The following CHAF1B variants were observed in gnomAD, a reference collection of about 807,000 sequenced individuals.
CHAF1B encodes CAF-1 subunit B.
Under a neutral mutation model 60.7 loss-of-function variants are expected in CHAF1B, and 10 were observed. That is an observed-to-expected ratio of 0.16 (90% CI 0.10 to 0.28). CHAF1B has a LOEUF of 0.28. Ranked by LOEUF, CHAF1B falls within the 10% of genes least tolerant of loss-of-function variation. The pLI, the probability that CHAF1B is intolerant of heterozygous loss-of-function variation, is 1.00. For synonymous variants in CHAF1B, 261 were observed against 266.1 expected, an observed-to-expected ratio of 0.98 and a Z score of 0.19; for missense variants, 558 against 708.4, an observed-to-expected ratio of 0.79 and a Z score of 2.41.
intron 7 of CHAF1B, among the ~76,000 whole-genome samples, chr21:36,401,630 T>TATACATAATATATATTTTTATATC (rs1491483681): frequency 7.2e-6 from 1 of 139,536 alleles, no homozygotes; most frequent in East Asian, 2.0e-4. Context: ...ATTTTTATAT[T>TATACATAATATATATTTTTATATC]ATATATAATA....
At chr21:36,391,733 T>A in intron 4 of CHAF1B, 65 bp downstream of exon 4, 1 of 1,039,976 alleles carries the variant, frequency 9.6e-7, no homozygotes, top group Non-Finnish European at 1.5e-6. Flanking sequence ...GGAATATACC[T>A]TTTGACTTTT....
chr21:36,408,633 T>G, intron 8 of CHAF1B, 128 bp from the exon 9 acceptor site: 1 of 653,138 alleles, frequency 1.5e-6, no homozygotes, highest in African/African-American at 1.8e-5. Context: ...CACAACATTG[T>G]CCAGAGAATA....
intron 9 of CHAF1B, 49 bp from the exon 10 acceptor site, chr21:36,409,325 T>C: frequency 1.3e-6 from 2 of 1,482,198 alleles, no homozygotes; most frequent in Non-Finnish European, 9.4e-7. Context: ...TTATTTTTGC[T>C]TTTGCTTAGT....
In CHAF1B at chr21:36,391,673, C is replaced by T. The variant is rs756632312; in HGVS notation, c.377+5C>T. 5 of 1,556,532 alleles carry T rather than the reference C, an allele frequency of 3.2e-6. No homozygotes were observed. The highest frequency in any genetic ancestry group is 1.4e-5 in the African/African-American group (1 of 73,824). Reference sequence around the variant, plus strand: ...GACGGTTGTGAAGACTCTGCGGTAACTTGGGAGGGACCATGGCAGTGATCT... The same window carrying T: ...GACGGTTGTGAAGACTCTGCGGTAATTTGGGAGGGACCATGGCAGTGATCT... On this transcript the variant is annotated splice_donor_5th_base_variant and intron_variant, in intron 4 of 13. Coordinates refer to ENST00000314103, the MANE Select transcript of CHAF1B (RefSeq NM_005441.3).
intron 4 of CHAF1B, among the ~76,000 whole-genome samples, chr21:36,394,265 C>T (rs2086119476): frequency 6.6e-6 from 1 of 152,032 alleles, no homozygotes; most frequent in African/African-American, 2.4e-5. Flanking sequence ...TTAGTAGAGA[C>T]GTGGTTTCAC....
rs2086324216 is a variant in CHAF1B, at chr21:36,416,925, G to C, written c.*559G>C. The C allele has an allele frequency of 6.6e-6, 1 of 152,178 alleles. No individual in the cohort carries two copies. Among genetic ancestry groups the C allele is most frequent in the Non-Finnish European group, 1.5e-5 (1 of 68,028 alleles). 9.4% of individuals were successfully genotyped at this position (152,178 alleles called of 1,614,324 possible). On this transcript the variant is annotated 3_prime_UTR_variant, in exon 14 of 14. Transcript: ENST00000314103. The stretch of plus-strand genomic sequence containing the variant: ...GGTATCACCCATCATCTTCCCACCA[G>C]AAGTAACCCTCGTTAATGTTGTAGT...
In CHAF1B at chr21:36,391,685, C is replaced by G. The variant is rs367999820; in HGVS notation, c.377+17C>G. ...GACTCTGCGGTAACTTGGGAGGGAC[C>G]ATGGCAGTGATCTCTGTTTACGATG... On this transcript the variant is annotated intron_variant, in intron 4 of 13. Coordinates refer to ENST00000314103, the MANE Select transcript of CHAF1B (RefSeq NM_005441.3). The G allele has an allele frequency of 1.4e-6, 2 of 1,462,546 alleles. No homozygotes were observed. 90.6% of individuals were successfully genotyped at this position (1,462,546 alleles called of 1,614,324 possible). A position where few individuals can be genotyped will look rare whatever the true frequency, so the allele number is the denominator to read the frequency against.
chr21:36,403,261 C>A (rs2086206475), intron 8 of CHAF1B, among the ~76,000 whole-genome samples: 1 of 151,724 alleles, frequency 6.6e-6, no homozygotes, highest in Non-Finnish European at 1.5e-5. Flanking sequence ...AGTTCATGAC[C>A]AGCCTGGCCA....
intron 12 of CHAF1B, 110 bp downstream of exon 12, chr21:36,413,425 G>A (rs907136477): frequency 9.8e-7 from 1 of 1,023,874 alleles, no homozygotes; most frequent in African/African-American, 1.6e-5. Flanking sequence ...CTTCATGCCA[G>A]TAGGTTGCCA....
chr21:36,394,534 T>G lies in CHAF1B; in HGVS notation c.378-13T>G, dbSNP rs2086121768. The stretch of plus-strand genomic sequence containing the variant: ...GAGTAATTGCTTTTTTCCTCTTTGT[T>G]TTTGGATTCTAGGGGCCACTTAGAA... On this transcript the variant is annotated splice_polypyrimidine_tract_variant and intron_variant, in intron 4 of 13. Coordinates refer to ENST00000314103, the MANE Select transcript of CHAF1B (RefSeq NM_005441.3). 6.3e-7 allele frequency: 1 copy of G among 1,596,210 alleles called. No homozygotes were observed. Among genetic ancestry groups the G allele is most frequent in the East Asian group, 2.2e-5 (1 of 44,694 alleles).
chr21:36,385,468 C>T lies in CHAF1B; in HGVS notation c.-78+17C>T, dbSNP rs1488401403. 1.3e-5 allele frequency: 2 copies of T among 152,002 alleles called. No homozygotes were observed. Among genetic ancestry groups the T allele is most frequent in the African/African-American group, 4.8e-5 (2 of 41,414 alleles). 9.4% of individuals were successfully genotyped at this position (152,002 alleles called of 1,614,324 possible). A position where few individuals can be genotyped will look rare whatever the true frequency, so the allele number is the denominator to read the frequency against. On this transcript the variant is annotated intron_variant, in intron 1 of 13. Transcript: ENST00000314103. Reference sequence around the variant, plus strand: ...TCCCTCCAGGTACGGCTTCCCTGGCCCGGGCAGCTCCGCGGCTCTTTTGGT... The same window carrying T: ...TCCCTCCAGGTACGGCTTCCCTGGCTCGGGCAGCTCCGCGGCTCTTTTGGT...
At chr21:36,404,692 C>T (rs2086222212) in intron 8 of CHAF1B, among the ~76,000 whole-genome samples, 1 of 148,810 alleles carries the variant, frequency 6.7e-6, no homozygotes, top group African/African-American at 2.5e-5. Context: ...CCTTGGCCTC[C>T]CAAAGTGCTG....
At position 36,387,700 on chromosome 21, in the gene CHAF1B, A is replaced by C; in HGVS notation, c.229A>C (p.Thr77Pro). 6.2e-7 allele frequency: 1 copy of C among 1,614,070 alleles called. No homozygotes were observed. The highest frequency in any genetic ancestry group is 1.1e-5 in the South Asian group (1 of 91,074). Residue 77 changes from threonine to proline, a missense_variant, in exon 3 of 14, where the codon ACT becomes CCT. Physicochemically the swap from Thr to Pro is conservative, Grantham distance 38 (BLOSUM62 -1). Around this residue, in one of 2 missense-constraint regions of CHAF1B, gnomAD observed 325 missense variants for 493.5 expected, o/e 0.66. Transcript: ENST00000314103. ...KAVNVVRFSP[T>P]GEILASGGDD... ...CGTCAATGTTGTGCGTTTTTCTCCA[A>C]CTGGGGAAATTTTAGCATCGGGAGG... is the stretch of plus-strand genomic sequence containing the variant.
intron 7 of CHAF1B, among the ~76,000 whole-genome samples, chr21:36,402,299 G>A (rs2086197517): frequency 6.6e-6 from 1 of 152,058 alleles, no homozygotes; most frequent in South Asian, 2.1e-4. Context: ...GTGACAGAGC[G>A]AGACTCTGTA....
chr21:36,403,589 C>T (rs1380365584), intron 8 of CHAF1B, among the ~76,000 whole-genome samples: 1 of 150,336 alleles, frequency 6.7e-6, no homozygotes, highest in Non-Finnish European at 1.5e-5. Context: ...TGTTTTTATT[C>T]TCCTCAATAA....
At chr21:36,407,393 A>G (rs769332540) in intron 8 of CHAF1B, among the ~76,000 whole-genome samples, 8 of 152,192 alleles carry the variant, frequency 5.3e-5, no homozygotes, top group Non-Finnish European at 1.2e-4. Flanking sequence ...ATACTCATTA[A>G]CAGAGGCTGG....
chr21:36,404,558 C>T lies in CHAF1B; in HGVS notation c.757+1707C>T, dbSNP rs542381658. 2.4e-4 allele frequency among the ~76,000 whole-genome samples: 36 copies of T among 150,692 alleles called. No individual in the cohort carries two copies. In the South Asian group the frequency reaches 6.3e-3, roughly 26 times the overall value. The stretch of plus-strand genomic sequence containing the variant: ...CAAGCCATTCTCCTGCCTCAGCCTC[C>T]GGAGTAGCTGGGATTACAGGCATGC... On this transcript the variant is annotated intron_variant, in intron 8 of 13. Transcript: ENST00000314103.
intron 5 of CHAF1B, 70 bp from the exon 6 acceptor site, chr21:36,397,345 T>G (rs1343670402): frequency 1.5e-6 from 1 of 671,340 alleles, no homozygotes; most frequent in African/African-American, 1.8e-5. Context: ...AAGTCATAGT[T>G]TATACTATTT....
chr21:36,394,834 C>T (rs1163602579), intron 5 of CHAF1B, among the ~76,000 whole-genome samples, 184 bp downstream of exon 5: 4 of 150,908 alleles, frequency 2.7e-5, no homozygotes, highest in South Asian at 4.2e-4. Flanking sequence ...TAGATTCAAG[C>T]GATCCTCCTG....
Sources: gnomAD v4.1 joint callset for allele counts (sites outside exome capture counted in the v4.1 genomes callset) on GRCh38, gnomAD v4.1.1 for gene constraint, gnomAD v4.1.1 regional missense constraint, MANE v1.5 for transcripts, NCBI Gene and HGNC (gene_info 2026-07-23, HGNC 2026-07-21) for gene names.